Variants in CACNG2 observed in about 807,000 individuals in gnomAD.
CACNG2 encodes the protein calcium voltage-gated channel auxiliary subunit gamma 2.
In CACNG2, 3 loss-of-function variants were observed where a neutral mutation model predicts 25.9. The ratio of observed to expected loss-of-function variants is 0.12; its 90% CI spans 0.05 to 0.30. The LOEUF (loss-of-function observed/expected upper bound fraction) is 0.30. Ranked by LOEUF, CACNG2 falls within the 10% of genes least tolerant of loss-of-function variation. CACNG2 has a pLI of 1.00. For missense variants in CACNG2, 341 were observed against 432.5 expected (o/e 0.79, Z 1.88); for synonymous variants, 167 against 173.3 (o/e 0.96, Z 0.29).
At chr22:36,663,259 G>A (rs2145985856) in intron 1 of CACNG2, among the ~76,000 whole-genome samples, 1 of 152,286 alleles carries the variant, frequency 6.6e-6, no homozygotes, top group South Asian at 2.1e-4. Context: ...CTTTGAGCGT[G>A]ATCACTTAGG....
intron 2 of CACNG2, chr22:36,585,212 C>T (rs1453325018): frequency 6.6e-6 from 1 of 152,178 alleles, no homozygotes; most frequent in African/African-American, 2.4e-5. Context: ...CTCATAGTCT[C>T]TTGGGGATCC....
At chr22:36,603,257 A>T (rs1872265520) in intron 1 of CACNG2, among the ~76,000 whole-genome samples, 1 of 152,240 alleles carries the variant, frequency 6.6e-6, no homozygotes, top group East Asian at 1.9e-4. Context: ...AACTCTCTTC[A>T]ATTGTATGAA....
chr22:36,584,660 T>G (rs1039185930), intron 2 of CACNG2: 2 of 152,250 alleles, frequency 1.3e-5, no homozygotes, highest in African/African-American at 4.8e-5. Context: ...TTGGCTCTGG[T>G]GCCACCTTCT....
chr22:36,598,655 C>T (rs1271702843), intron 1 of CACNG2, among the ~76,000 whole-genome samples: 1 of 151,284 alleles, frequency 6.6e-6, no homozygotes, highest in Admixed American at 6.6e-5. Flanking sequence ...AACAAAAATA[C>T]AAACAAACGA....
At chr22:36,576,593 T>A (rs553146827) in intron 2 of CACNG2, among the ~76,000 whole-genome samples, 1 of 148,234 alleles carries the variant, frequency 6.7e-6, no homozygotes, top group African/African-American at 2.5e-5. Context: ...TGTGTGTGTA[T>A]GTGTGTGTGT....
chr22:36,665,944 A>G (rs1257791655), intron 1 of CACNG2, among the ~76,000 whole-genome samples: 10 of 152,250 alleles, frequency 6.6e-5, no homozygotes, highest in Non-Finnish European at 1.3e-4. Flanking sequence ...ATTATTCACA[A>G]TAGCTAAAAC....
chr22:36,676,397 G>A (rs575658408), intron 1 of CACNG2, among the ~76,000 whole-genome samples: 2 of 152,212 alleles, frequency 1.3e-5, no homozygotes, highest in Admixed American at 1.3e-4. Context: ...GACTACCATC[G>A]ATGGCGTACC....
At chr22:36,609,852 G>C (rs139307775) in intron 1 of CACNG2, among the ~76,000 whole-genome samples, 1 of 145,622 alleles carries the variant, frequency 6.9e-6, no homozygotes, top group East Asian at 2.1e-4. Flanking sequence ...GAGTTTGATC[G>C]AGCAGGAATC....
intron 1 of CACNG2, among the ~76,000 whole-genome samples, chr22:36,679,375 T>C (rs1435942317): frequency 6.6e-6 from 1 of 152,132 alleles, no homozygotes; most frequent in Non-Finnish European, 1.5e-5. Context: ...CTGCCCTTTC[T>C]ATGTCAGTAG....
At chr22:36,682,123 G>A (rs1937132469) in intron 1 of CACNG2, among the ~76,000 whole-genome samples, 4 of 152,232 alleles carry the variant, frequency 2.6e-5, no homozygotes, top group Admixed American at 2.6e-4. Context: ...AATGCTACGA[G>A]ACAGCTCATT....
intron 1 of CACNG2, among the ~76,000 whole-genome samples, chr22:36,702,031 C>G (rs1461546850): frequency 6.6e-6 from 1 of 152,016 alleles, no homozygotes; most frequent in Non-Finnish European, 1.5e-5. Flanking sequence ...GATGGCAATG[C>G]TAAATCGGAT....
At chr22:36,676,932 T>TTGTGTGTGTGTGTGTGTGTGTGTGTGTG (rs138729815) in intron 1 of CACNG2, among the ~76,000 whole-genome samples, 4 of 141,650 alleles carry the variant, frequency 2.8e-5, no homozygotes, top group East Asian at 2.1e-4. Flanking sequence ...TCTTCTAATA[T>TTGTGTGTGTGTGTGTGTGTGTGTGTGTG]TGTGTGTGTG....
chr22:36,668,823 G>C (rs1372978816), intron 1 of CACNG2, among the ~76,000 whole-genome samples: 1 of 152,162 alleles, frequency 6.6e-6, no homozygotes, highest in Non-Finnish European at 1.5e-5. Flanking sequence ...CTTGCTCTGA[G>C]TCCAAAGAGC....
At chr22:36,683,310 G>A (rs913347704) in intron 1 of CACNG2, among the ~76,000 whole-genome samples, 1 of 152,160 alleles carries the variant, frequency 6.6e-6, no homozygotes, top group Non-Finnish European at 1.5e-5. Context: ...AAACACCCTC[G>A]GGTCAAAGTC....
intron 1 of CACNG2, among the ~76,000 whole-genome samples, chr22:36,604,776 A>G (rs1329924401): frequency 6.6e-6 from 1 of 152,244 alleles, no homozygotes; most frequent in Non-Finnish European, 1.5e-5. Context: ...AGTATAGTGT[A>G]AACATAACAT....
At chr22:36,581,637 C>T (rs1935420896) in intron 2 of CACNG2, among the ~76,000 whole-genome samples, 2 of 152,202 alleles carry the variant, frequency 1.3e-5, no homozygotes, top group African/African-American at 4.8e-5. Flanking sequence ...CTGCTCAGCC[C>T]CCTTTCCTGG....
At chr22:36,666,154 T>C (rs948760354) in intron 1 of CACNG2, among the ~76,000 whole-genome samples, 1 of 152,212 alleles carries the variant, frequency 6.6e-6, no homozygotes, top group African/African-American at 2.4e-5. Context: ...CCTGTAACAC[T>C]AGCACTTTTG....
chr22:36,679,210 C>T (rs896804089), intron 1 of CACNG2, among the ~76,000 whole-genome samples: 36 of 141,256 alleles, frequency 2.5e-4, no homozygotes, highest in Admixed American at 1.5e-3. Context: ...TTCTTTCTTT[C>T]TTTCTTTCTT....
intron 1 of CACNG2, among the ~76,000 whole-genome samples, chr22:36,590,710 T>G (rs1288915156): frequency 6.6e-6 from 1 of 152,180 alleles, no homozygotes; most frequent in Non-Finnish European, 1.5e-5. Context: ...CATGCAAATC[T>G]GATCATGCCA....
Sources: gnomAD v4.1 joint callset for allele counts (sites outside exome capture counted in the v4.1 genomes callset) on GRCh38, gnomAD v4.1.1 for gene constraint, MANE v1.5 for transcripts, NCBI Gene and HGNC (gene_info 2026-07-23, HGNC 2026-07-21) for gene names.